Variants in KCNC2 observed in about 807,000 individuals in gnomAD.
The protein encoded by KCNC2 is voltage-gated potassium channel KCNC2.
Under a neutral mutation model 44.5 loss-of-function variants are expected in KCNC2, and 21 were observed. The observed-to-expected ratio is 0.47, with a 90% CI of 0.33 to 0.68. KCNC2 has a LOEUF of 0.68. Among genes scored for constraint, KCNC2 ranks in the 30% least tolerant of loss-of-function variants. The pLI, the probability that KCNC2 is intolerant of heterozygous loss-of-function variation, is 0.01. For missense variants in KCNC2, 589 were observed against 826.2 expected (o/e 0.71, Z 3.52); for synonymous variants, 391 against 339.1 (o/e 1.15, Z -1.68).
chr12:75,182,789 A>T (rs534681933), intron 2 of KCNC2, among the ~76,000 whole-genome samples: 1 of 152,300 alleles, frequency 6.6e-6, no homozygotes, highest in South Asian at 2.1e-4. Context: ...ATTCACACTA[A>T]GTGGGATAAA....
intron 2 of KCNC2, among the ~76,000 whole-genome samples, chr12:75,135,562 CTAG>C (rs1002142864): frequency 6.6e-6 from 1 of 151,928 alleles, no homozygotes; most frequent in Non-Finnish European, 1.5e-5. Flanking sequence ...AATCTACAAA[CTAG>C]TAGATAATAT....
chr12:75,118,823 C>T (rs150246681), intron 2 of KCNC2, among the ~76,000 whole-genome samples: 9 of 152,224 alleles, frequency 5.9e-5, no homozygotes, highest in Admixed American at 5.9e-4. Context: ...TGTATTATAT[C>T]CCTTTCTACC....
chr12:75,168,256 G>A (rs1232443923), intron 2 of KCNC2, among the ~76,000 whole-genome samples: 3 of 151,188 alleles, frequency 2.0e-5, no homozygotes, highest in African/African-American at 4.8e-5. Flanking sequence ...CAGTCTAGTA[G>A]GTATACACAA....
At chr12:75,132,989 G>A (rs1424793294) in intron 2 of KCNC2, among the ~76,000 whole-genome samples, 1 of 151,938 alleles carries the variant, frequency 6.6e-6, no homozygotes, top group African/African-American at 2.4e-5. Context: ...TAGCGTGCAA[G>A]GTTGCTTCGA....
intron 2 of KCNC2, among the ~76,000 whole-genome samples, chr12:75,131,060 C>A (rs2137341385): frequency 6.6e-6 from 1 of 152,182 alleles, no homozygotes; most frequent in Non-Finnish European, 1.5e-5. Context: ...TGGTACTTTG[C>A]AAATTATCCA....
At chr12:75,107,648 AAC>A (rs34795634) in intron 2 of KCNC2, among the ~76,000 whole-genome samples, 25,155 of 152,136 alleles carry the variant, frequency 0.17, 2,166 homozygotes, top group Middle Eastern at 0.24. Flanking sequence ...ACTCGCAAGT[AAC>A]ACAGTTACAC....
intron 2 of KCNC2, among the ~76,000 whole-genome samples, chr12:75,072,532 T>A (rs1400718057): frequency 6.6e-6 from 1 of 151,984 alleles, no homozygotes; most frequent in African/African-American, 2.4e-5. Context: ...GTAACTGAAG[T>A]CTTAAAAACA....
intron 2 of KCNC2, among the ~76,000 whole-genome samples, chr12:75,166,683 G>C (rs1023607430): frequency 1.3e-5 from 2 of 150,988 alleles, no homozygotes; most frequent in Non-Finnish European, 3.0e-5. Context: ...CAAATAGTCA[G>C]AAATTAAACA....
intron 2 of KCNC2, among the ~76,000 whole-genome samples, chr12:75,138,217 G>C (rs1889368662): frequency 6.6e-6 from 1 of 151,972 alleles, no homozygotes; most frequent in African/African-American, 2.4e-5. Context: ...TTTGCCAATG[G>C]GAAAAAAATC....
chr12:75,081,747 T>A (rs1246197453), intron 2 of KCNC2, among the ~76,000 whole-genome samples: 3 of 151,958 alleles, frequency 2.0e-5, no homozygotes, highest in African/African-American at 4.8e-5. Flanking sequence ...AGAAAAAAAG[T>A]CATAAATGCT....
chr12:75,192,673 T>A (rs770900843), intron 2 of KCNC2, among the ~76,000 whole-genome samples: 4 of 152,158 alleles, frequency 2.6e-5, no homozygotes, highest in Non-Finnish European at 5.9e-5. Context: ...GTGTATGTAT[T>A]TGGGGATCAG....
chr12:75,118,023 C>T (rs1221651969), intron 2 of KCNC2, among the ~76,000 whole-genome samples: 1 of 152,174 alleles, frequency 6.6e-6, no homozygotes, highest in South Asian at 2.1e-4. Flanking sequence ...GCTGGACTGT[C>T]TCAAAACAAG....
intron 2 of KCNC2, among the ~76,000 whole-genome samples, chr12:75,134,148 G>A (rs980823900): frequency 6.6e-6 from 1 of 151,882 alleles, no homozygotes; most frequent in Non-Finnish European, 1.5e-5. Flanking sequence ...GCAAATGTCA[G>A]AGTCACCCGA....
chr12:75,164,276 G>T (rs1891308051), intron 2 of KCNC2, among the ~76,000 whole-genome samples: 2 of 151,578 alleles, frequency 1.3e-5, no homozygotes, highest in Non-Finnish European at 3.0e-5. Flanking sequence ...TGTTCACTCT[G>T]CCAGCCTAAC....
Position 75,207,791 on chromosome 12 carries a change from G to A in KCNC2, c.193C>T (p.Pro65Ser). Residue 65 changes from proline (P) to serine (S), a missense_variant, in exon 2 of 5, where the codon CCG becomes TCG. Physicochemically the swap from Pro to Ser is moderately conservative, Grantham distance 74. Around this residue, in one of 7 missense-constraint regions of KCNC2, gnomAD observed 148 missense variants for 140.1 expected, o/e 1.06. Coordinates refer to ENST00000549446, the MANE Select transcript of KCNC2 (RefSeq NM_139137.4). This position sits in a 1 kb window ranked among gnomAD's most constrained non-coding sequence, Gnocchi z 4.1. ...CCGGGGGACAGCGGGGGCGCTCTCG[G>A]CGGCGGCGACAGTGGAGGCGGCGAC... ...QPSPPPLSPP[P>S]RAPPLSPGPG... 6.3e-7 allele frequency: 1 copy of A among 1,593,652 alleles called. No individual in the cohort carries two copies. The highest frequency in any genetic ancestry group is 1.7e-5 in the Admixed American group (1 of 57,360).
chr12:75,104,637 A>G (rs1886636202), intron 2 of KCNC2, among the ~76,000 whole-genome samples: 1 of 152,168 alleles, frequency 6.6e-6, no homozygotes, highest in African/African-American at 2.4e-5. Context: ...CATCATAATA[A>G]TAAACTTTTA....
At chr12:75,181,211 G>A (rs55643237) in intron 2 of KCNC2, among the ~76,000 whole-genome samples, 11,980 of 151,974 alleles carry the variant, frequency 0.079, 542 homozygotes, top group Admixed American at 0.14. Context: ...TGAGAACTTC[G>A]TTGAAATGAA....
intron 2 of KCNC2, among the ~76,000 whole-genome samples, chr12:75,098,578 G>A (rs1886123189): frequency 6.6e-6 from 1 of 151,944 alleles, no homozygotes; most frequent in African/African-American, 2.4e-5. Context: ...GGCCAACATG[G>A]TGAAACCCCA....
chr12:75,076,471 A>G (rs1435481848), intron 2 of KCNC2, among the ~76,000 whole-genome samples: 1 of 151,764 alleles, frequency 6.6e-6, no homozygotes, highest in Non-Finnish European at 1.5e-5. Context: ...ATAGGTTTTC[A>G]CCATGTTAGC....
Sources: gnomAD v4.1 joint callset for allele counts (sites outside exome capture counted in the v4.1 genomes callset) on GRCh38, gnomAD v4.1.1 for gene constraint, gnomAD v4.1.1 regional missense constraint, Gnocchi (gnomAD v3.1) non-coding constraint, MANE v1.5 for transcripts, NCBI Gene and HGNC (gene_info 2026-07-23, HGNC 2026-07-21) for gene names.